SGCD: variants seen among roughly 807,000 people sequenced by gnomAD.
SGCD encodes the protein delta-sarcoglycan.
SGCD carries 18 observed loss-of-function variants against 36.6 expected under a neutral mutation model. The observed-to-expected ratio is 0.49, with a 90% CI of 0.34 to 0.73. The LOEUF is 0.73. Ranked by LOEUF, SGCD falls within the 30% of genes least tolerant of loss-of-function variation. SGCD has a pLI of 0.01. For missense variants in SGCD, 387 were observed against 346.7 expected, an observed-to-expected ratio of 1.12 and a Z score of -0.92; for synonymous variants, 133 against 130.6, an observed-to-expected ratio of 1.02 and a Z score of -0.12.
intron 3 of SGCD, among the ~76,000 whole-genome samples, chr5:156,369,038 A>G (rs949778068): frequency 7.9e-5 from 12 of 152,210 alleles, no homozygotes; most frequent in African/African-American, 2.9e-4. Flanking sequence ...GGTACACCAG[A>G]TGATTCCCTG....
chr5:155,959,478 T>C (rs1757745953), intron 1 of SGCD, among the ~76,000 whole-genome samples: 2 of 152,164 alleles, frequency 1.3e-5, no homozygotes, highest in African/African-American at 4.8e-5. Context: ...TTGTGGAATC[T>C]TTCTCTTTGA....
intron 3 of SGCD, among the ~76,000 whole-genome samples, chr5:156,127,700 G>A (rs76220847): frequency 1.0e-3 from 153 of 151,394 alleles, no homozygotes; most frequent in African/African-American, 3.5e-3. Context: ...TTTAACAAGA[G>A]CACCACATTA....
At chr5:156,499,987 C>G (rs1756376248) in intron 3 of SGCD, among the ~76,000 whole-genome samples, 1 of 152,082 alleles carries the variant, frequency 6.6e-6, no homozygotes, top group Non-Finnish European at 1.5e-5. Flanking sequence ...ACATTTTTCC[C>G]TATTTGTCAC....
At chr5:156,340,007 CAA>C (rs928109206) in intron 2 of SGCD, among the ~76,000 whole-genome samples, 6 of 152,112 alleles carry the variant, frequency 3.9e-5, no homozygotes, top group Non-Finnish European at 8.8e-5. Context: ...GCAATTTTGA[CAA>C]AACTTTTTAA....
chr5:156,401,653 G>A (rs1441455163), intron 3 of SGCD, among the ~76,000 whole-genome samples: 3 of 152,158 alleles, frequency 2.0e-5, no homozygotes, highest in African/African-American at 7.2e-5. Context: ...CACTGTGCAA[G>A]GTACTGGGGA....
chr5:155,883,113 A>G (rs1257091124), intron 1 of SGCD, among the ~76,000 whole-genome samples: 1 of 151,756 alleles, frequency 6.6e-6, no homozygotes, highest in Non-Finnish European at 1.5e-5. Context: ...CAGCTCCCTC[A>G]CCTCTCTCAG....
At chr5:156,162,744 C>A (rs1763113489) in intron 3 of SGCD, among the ~76,000 whole-genome samples, 1 of 151,676 alleles carries the variant, frequency 6.6e-6, no homozygotes, top group African/African-American at 2.4e-5. Context: ...TCTAGATCTG[C>A]AGAAAGCAAT....
intron 6 of SGCD, among the ~76,000 whole-genome samples, chr5:156,639,271 C>G (rs899529137): frequency 2.6e-5 from 4 of 152,264 alleles, no homozygotes; most frequent in Non-Finnish European, 4.4e-5. Flanking sequence ...GAAACTGAAG[C>G]TAGAAGAAGC....
chr5:155,893,196 C>CTATA (rs144484516), intron 1 of SGCD, among the ~76,000 whole-genome samples: 10 of 151,654 alleles, frequency 6.6e-5, no homozygotes, highest in Admixed American at 2.0e-4. Flanking sequence ...GGTCATTATA[C>CTATA]TATATATATA....
At chr5:156,606,756 C>G (rs982885275) in intron 6 of SGCD, among the ~76,000 whole-genome samples, 1 of 152,216 alleles carries the variant, frequency 6.6e-6, no homozygotes, top group East Asian at 1.9e-4. Flanking sequence ...TTGAAGAGGT[C>G]CTTCACATCC....
intron 3 of SGCD, among the ~76,000 whole-genome samples, chr5:156,254,346 G>A (rs2127662344): frequency 6.6e-6 from 1 of 152,240 alleles, no homozygotes; most frequent in South Asian, 2.1e-4. Flanking sequence ...TTAACATTAG[G>A]TATATCTCCT....
At chr5:156,291,662 C>G (rs1244105297) in intron 3 of SGCD, among the ~76,000 whole-genome samples, 3 of 151,982 alleles carry the variant, frequency 2.0e-5, no homozygotes, top group Non-Finnish European at 4.4e-5. Flanking sequence ...AAGGGAGAAA[C>G]TAGCTATTCT....
rs371850230 is a variant in SGCD, at chr5:156,759,315, C to A, written c.798C>A (p.Cys266Ter). Residue 266 changes from cysteine to a stop codon, truncating the protein, a stop_gained, in exon 9 of 9, where the codon TGC becomes TGA. Coordinates refer to ENST00000337851, the MANE Select transcript of SGCD (RefSeq NM_000337.6). LOFTEE classifies it high-confidence loss of function. ...TRQKVFEICV[C>*]ANGRLFLSQA... The stretch of plus-strand genomic sequence containing the variant: ...AGAAGGTCTTCGAGATCTGCGTCTG[C>A]GCCAATGGGAGATTATTCCTGTCTC... 1 of 1,613,114 alleles carries A rather than the reference C, an allele frequency of 6.2e-7. No individual in the cohort carries two copies. Among genetic ancestry groups the A allele is most frequent in the African/African-American group, 1.3e-5 (1 of 74,908 alleles).
In SGCD at chr5:155,895,168, G is replaced by A. The variant is rs554851779; in HGVS notation, c.-282+24744G>A. On this transcript the variant is annotated intron_variant, in intron 1 of 9. Transcript: ENST00000517913. ...AGGAAAATAGTCAGTCTTCCTATCC[G>A]TACAAAACAAGGTGCAAGAACAACA... Among the ~76,000 whole-genome samples the A allele has an allele frequency of 3.3e-5, 5 of 152,262 alleles. No homozygotes were observed. In the South Asian group the frequency reaches 6.2e-4, roughly 19 times the overall value.
rs368579033 is a variant in SGCD at position 156,278,348 on chromosome 5, A to G, written c.-43-51186A>G. On this transcript the variant is annotated intron_variant, in intron 3 of 9. Coordinates refer to the SGCD transcript ENST00000517913. Reference sequence around the variant, plus strand: ...CATGATCAGAATTAGGTATTTTTCAATGTTATTCTGGTTGCTCTTGCCTGC... The same window carrying G: ...CATGATCAGAATTAGGTATTTTTCAGTGTTATTCTGGTTGCTCTTGCCTGC... Among the ~76,000 whole-genome samples the G allele has an allele frequency of 1.1e-4, 16 of 152,298 alleles. No homozygotes were observed. The East Asian group carries it at 2.3e-3, about 22-fold the overall frequency.
At chr5:156,225,827 AC>A (rs1234343717) in intron 3 of SGCD, among the ~76,000 whole-genome samples, 5 of 152,006 alleles carry the variant, frequency 3.3e-5, no homozygotes, top group Non-Finnish European at 5.9e-5. Flanking sequence ...TAAAAAAAAA[AC>A]CTTAAAGGTT....
the SGCD span, among the ~76,000 whole-genome samples, chr5:155,733,930 C>G: frequency 6.6e-6 from 1 of 152,002 alleles, no homozygotes; most frequent in Admixed American, 6.6e-5. Context: ...GCGCACCTGT[C>G]AGCTAGCATT....
intron 1 of SGCD, among the ~76,000 whole-genome samples, chr5:155,900,306 A>G (rs1756359432): frequency 6.6e-6 from 1 of 152,206 alleles, no homozygotes; most frequent in South Asian, 2.1e-4. Context: ...TAATAAAGAT[A>G]ACAAAATAGA....
chr5:156,746,744 A>G (rs1756952681), intron 7 of SGCD, among the ~76,000 whole-genome samples: 1 of 152,226 alleles, frequency 6.6e-6, no homozygotes, highest in South Asian at 2.1e-4. Context: ...CATAAATGCT[A>G]AAACTATAAA....
Sources: allele counts gnomAD v4.1 joint callset (sites outside exome capture counted in the v4.1 genomes callset), GRCh38; gene constraint gnomAD v4.1.1; transcripts MANE v1.5; gene names NCBI Gene and HGNC (gene_info 2026-07-23, HGNC 2026-07-21).